Variants in ZNF700 observed in about 807,000 individuals in gnomAD.
ZNF700 encodes the protein zinc finger protein 700.
In ZNF700, 38 loss-of-function variants were observed where a neutral mutation model predicts 65.3. The ratio of observed to expected loss-of-function variants is 0.58; its 90% confidence interval spans 0.45 to 0.76. The LOEUF is 0.76. Ranked by LOEUF, ZNF700 falls within the 30% of genes least tolerant of loss-of-function variation. ZNF700 has a pLI of 0.00. For synonymous variants in ZNF700, 285 were observed against 290.4 expected (o/e 0.98, Z 0.19); for missense variants, 857 against 888.4 (o/e 0.96, Z 0.45).
At chr19:11,934,891 C>T (rs1972766444) in intron 1 of ZNF700, among the ~76,000 whole-genome samples, 1 of 147,396 alleles carries the variant, frequency 6.8e-6, no homozygotes, top group African/African-American at 2.7e-5. Context: ...GCCATAATTA[C>T]AGTCTTTGGT....
chr19:11,944,215 C>G (rs748515393), intron 1 of ZNF700, among the ~76,000 whole-genome samples: 2 of 152,146 alleles, frequency 1.3e-5, no homozygotes, highest in Non-Finnish European at 2.9e-5. Flanking sequence ...TTAATTTCAC[C>G]TAATTCTCAG....
rs746470407 is a variant in ZNF700, at chr19:11,941,642, G to A, written c.64-5539G>A. Among the ~76,000 whole-genome samples, 5 of 152,188 alleles carry A rather than the reference G, an allele frequency of 3.3e-5. No individual in the cohort carries two copies. The East Asian group carries it at 5.8e-4, about 18-fold the overall frequency. ...CCAGAACTCCAGCTGGCCCGCAAGC[G>A]CCGCGCGCAGCCCCAGTTCCCGCTC... On this transcript the variant is annotated intron_variant, in intron 1 of 3. Transcript: ENST00000254321.
At position 11,947,307 on chromosome 19, in the gene ZNF700, G is replaced by A; in HGVS notation, c.190G>A (p.Gly64Arg). 1 of 1,613,710 alleles carries A rather than the reference G, an allele frequency of 6.2e-7. No homozygotes were observed. Among genetic ancestry groups the A allele is most frequent in the Middle Eastern group, 1.7e-4 (1 of 6,060 alleles). ...AACTTTCAGGAACCTGACCTCTATAGGTAAGGATGACAATATTCCTTCCGT... is the reference window on the plus strand; with the variant it reads ...AACTTTCAGGAACCTGACCTCTATAAGTAAGGATGACAATATTCCTTCCGT... ...LETFRNLTSIGKKWSDQNIEY... is the reference protein window; with the variant it reads ...LETFRNLTSIRKKWSDQNIEY... Residue 64 changes from glycine to arginine, a missense_variant and splice_region_variant, in exon 2 of 4, where the codon GGA (glycine) becomes AGA (arginine). Around this residue, in one of 3 missense-constraint regions of ZNF700, gnomAD observed 603 missense variants for 619.9 expected, o/e 0.97. Transcript: ENST00000254321.
In ZNF700 at chr19:11,948,814, A is replaced by C. The variant is rs376621105; in HGVS notation, c.790A>C (p.Thr264Pro). The C allele has an allele frequency of 6.2e-7, 1 of 1,608,750 alleles. No homozygotes were observed. The highest frequency in any genetic ancestry group is 1.3e-5 in the African/African-American group (1 of 74,480). The change falls in exon 4 of 4, where the codon ACC (threonine) becomes CCC (proline). Residue 264 changes from threonine to proline, a missense_variant. Thr to Pro is a conservative substitution (Grantham distance 38, BLOSUM62 -1). Coordinates refer to ENST00000254321, the MANE Select transcript of ZNF700 (RefSeq NM_144566.3). ...TGGTAAATCCTTTACTTATTCTGCT[A>C]CCCTTCAAATACATGAAAGAACTCA... The part of the protein sequence containing the change: ...QCGKSFTYSA[T>P]LQIHERTHTG...
chr19:11,927,422 T>TTAAATAAA (rs57120234), intron 1 of ZNF700, among the ~76,000 whole-genome samples: 4,369 of 143,076 alleles, frequency 0.031, 86 homozygotes, highest in Middle Eastern at 0.039. Context: ...CTGTCTCTAT[T>TTAAATAAA]TAAATAAATA....
Position 11,950,684 on chromosome 19 carries a change from C to A in ZNF700, c.*431C>A. The stretch of plus-strand genomic sequence containing the variant: ...TTTGAATACAGATAATTAATGTAAA[C>A]AATTATCATAAGTATACTAACATGT... On this transcript the variant is annotated 3_prime_UTR_variant, in exon 4 of 4. Transcript: ENST00000254321. 7.5e-6 allele frequency: 2 copies of A among 265,552 alleles called. No individual in the cohort carries two copies. The highest frequency in any genetic ancestry group is 1.5e-5 in the Non-Finnish European group (2 of 132,772). The allele number at this position is 265,552 out of a possible 1,614,324, so 16.4% of individuals were successfully genotyped here.
Position 11,925,281 on chromosome 19 carries a change from T to A in ZNF700, c.63+8T>A, listed in dbSNP as rs189709563. On this transcript the variant is annotated splice_region_variant and intron_variant, in intron 1 of 3. Transcript: ENST00000254321. The stretch of plus-strand genomic sequence containing the variant: ...TCTGAAAGCCGGGAAATGGTGCGTG[T>A]GCGGGACCAGATGTCGTGAGACGGG... The A allele has an allele frequency of 8.1e-6, 13 of 1,611,500 alleles. No individual in the cohort carries two copies. The Admixed American group carries it at 8.3e-5, about 10-fold the overall frequency.
chr19:11,948,231 T>C, intron 3 of ZNF700, 45 bp from the exon 4 acceptor site: 1 of 1,577,904 alleles, frequency 6.3e-7, no homozygotes, highest in South Asian at 1.2e-5. Context: ...AATATAGAAG[T>C]ACTTGTAAAC....
chr19:11,935,417 A>C (rs1198185002), intron 1 of ZNF700, among the ~76,000 whole-genome samples: 3 of 151,598 alleles, frequency 2.0e-5, no homozygotes, highest in Admixed American at 6.6e-5. Flanking sequence ...TTGTATTTTT[A>C]GTTGAGACTG....
chr19:11,925,346 G>T (rs563273448), intron 1 of ZNF700, 73 bp downstream of exon 1: 1 of 1,589,570 alleles, frequency 6.3e-7, no homozygotes, highest in East Asian at 2.3e-5. Flanking sequence ...GGCTGTGGCG[G>T]GACCCGGGCC....
At chr19:11,926,457 C>G (rs918541313) in intron 1 of ZNF700, 2 of 152,434 alleles carry the variant, frequency 1.3e-5, no homozygotes, top group African/African-American at 4.8e-5. Flanking sequence ...GGCCTGATCT[C>G]GGCTCACTGC....
chr19:11,947,915 G>A (rs1381743011), intron 3 of ZNF700, among the ~76,000 whole-genome samples: 2 of 152,182 alleles, frequency 1.3e-5, no homozygotes, highest in Non-Finnish European at 2.9e-5. Flanking sequence ...GGCGAAGGCA[G>A]GAGGATCACT....
At chr19:11,937,053 G>A (rs1972806598) in intron 1 of ZNF700, among the ~76,000 whole-genome samples, 1 of 152,060 alleles carries the variant, frequency 6.6e-6, no homozygotes, top group African/African-American at 2.4e-5. Context: ...CTATATATCT[G>A]TTTTGGTCCC....
intron 1 of ZNF700, among the ~76,000 whole-genome samples, chr19:11,936,547 C>G (rs1972799213): frequency 6.6e-6 from 1 of 151,912 alleles, no homozygotes; most frequent in South Asian, 2.1e-4. Flanking sequence ...TTGTTTTTTT[C>G]TTGTAAGTTT....
intron 3 of ZNF700, 34 bp downstream of exon 3, chr19:11,947,608 T>C: frequency 6.4e-7 from 1 of 1,563,898 alleles, no homozygotes; most frequent in South Asian, 1.1e-5. Context: ...GCAGTGTCTC[T>C]CTGCACAATC....
intron 1 of ZNF700, among the ~76,000 whole-genome samples, chr19:11,940,691 C>G (rs1395644239): frequency 6.6e-6 from 1 of 152,184 alleles, no homozygotes; most frequent in African/African-American, 2.4e-5. Flanking sequence ...GTTGCCACTG[C>G]TGGCTCAGGC....
intron 1 of ZNF700, among the ~76,000 whole-genome samples, chr19:11,927,463 T>TAAAA (rs1568289091): frequency 6.7e-5 from 10 of 148,754 alleles, no homozygotes; most frequent in African/African-American, 2.5e-4. Context: ...AATAAATAAA[T>TAAAA]AGAAAAGGAA....
At chr19:11,941,822 G>A (rs751844372) in intron 1 of ZNF700, among the ~76,000 whole-genome samples, 2 of 152,238 alleles carry the variant, frequency 1.3e-5, no homozygotes, top group Admixed American at 1.3e-4. Context: ...AAGAGCGAGC[G>A]AGGGCTGTGA....
chr19:11,927,618 A>G (rs929428945), intron 1 of ZNF700, among the ~76,000 whole-genome samples: 3 of 152,216 alleles, frequency 2.0e-5, no homozygotes, highest in Non-Finnish European at 4.4e-5. Context: ...GTGGGCTGAC[A>G]GCATCACAAA....
Sources: gnomAD v4.1 joint callset for allele counts (sites outside exome capture counted in the v4.1 genomes callset) on GRCh38, gnomAD v4.1.1 for gene constraint, gnomAD v4.1.1 regional missense constraint, MANE v1.5 for transcripts, NCBI Gene and HGNC (gene_info 2026-07-23, HGNC 2026-07-21) for gene names.